The following DCAF8L2 variants were observed in gnomAD, a reference collection of about 807,000 sequenced individuals.
The protein encoded by DCAF8L2 is DDB1- and CUL4-associated factor 8-like protein 2.
For synonymous variants in DCAF8L2, 200 were observed against 190.9 expected (o/e 1.05, Z -0.39); for missense variants, 430 against 490.7 (o/e 0.88, Z 1.17).
At chrX:27,500,436 C>T in the DCAF8L2 span, among the ~76,000 whole-genome samples, 1 of 111,682 alleles carries the variant, frequency 9.0e-6, no homozygotes, top group South Asian at 3.7e-4. Flanking sequence ...ATTTTTTATA[C>T]ACTGTTGGAA....
the DCAF8L2 span, among the ~76,000 whole-genome samples, chrX:27,489,332 C>T: frequency 1.8e-5 from 2 of 111,654 alleles, no homozygotes; most frequent in Non-Finnish European, 1.9e-5. Context: ...CTCCTGACCT[C>T]GTGATCTGCC....
chrX:27,524,769 G>A, the DCAF8L2 span, among the ~76,000 whole-genome samples: 1 of 111,567 alleles, frequency 9.0e-6, no homozygotes, highest in Non-Finnish European at 1.9e-5. Context: ...CTTTATTTCT[G>A]CCTTCATTTC....
the DCAF8L2 span, among the ~76,000 whole-genome samples, chrX:27,501,227 G>GT: frequency 1.0e-5 from 1 of 99,234 alleles, no homozygotes; most frequent in Non-Finnish European, 2.0e-5. Flanking sequence ...ACAGCTCCTC[G>GT]TCCTACCTCC....
At chrX:27,614,559 A>G (rs1343080208) in intron 1 of DCAF8L2, among the ~76,000 whole-genome samples, 2 of 111,353 alleles carry the variant, frequency 1.8e-5, no homozygotes, top group Non-Finnish European at 3.8e-5. Context: ...TGTTGATTTT[A>G]GATCTTTCCT....
rs192095699 is a variant in DCAF8L2 at position 27,623,052 on chromosome X, G to A, written c.-341-8827G>A. Among the ~76,000 whole-genome samples the A allele has an allele frequency of 2.7e-5, 3 of 112,179 alleles. No individual in the cohort carries two copies. The Admixed American group carries it at 2.8e-4, about 11-fold the overall frequency. On this transcript the variant is annotated intron_variant, in intron 1 of 4. Transcript: ENST00000451261. ...TGCTTAGAACAAGGAAGTTATAAATGTATTTGCTGGTGACAAGAGATAGAC... is the reference window on the plus strand; with the variant it reads ...TGCTTAGAACAAGGAAGTTATAAATATATTTGCTGGTGACAAGAGATAGAC...
chrX:27,680,346 A>G (rs1232103721), intron 3 of DCAF8L2, among the ~76,000 whole-genome samples: 1 of 112,056 alleles, frequency 8.9e-6, no homozygotes, highest in Non-Finnish European at 1.9e-5. Context: ...TTCATAAAGC[A>G]TGTCAACCAC....
Position 27,749,638 on chromosome X carries a change from C to G in DCAF8L2, c.*847C>G. Among the ~76,000 whole-genome samples, 1 of 112,117 alleles carries G rather than the reference C, an allele frequency of 8.9e-6. No individual in the cohort carries two copies. The highest frequency in any genetic ancestry group is 9.5e-5 in the Admixed American group (1 of 10,577). On this transcript the variant is annotated 3_prime_UTR_variant, in exon 5 of 5. Coordinates refer to ENST00000451261, the MANE Select transcript of DCAF8L2 (RefSeq NM_001353450.2). The stretch of plus-strand genomic sequence containing the variant: ...TTGGGAACTCCCACAGGGTTACCTT[C>G]CAGGAAGTCCTCCTGGGACAAGCAT...
At chrX:27,643,112 A>C in intron 2 of DCAF8L2, among the ~76,000 whole-genome samples, 1 of 111,966 alleles carries the variant, frequency 8.9e-6, no homozygotes, top group Non-Finnish European at 1.9e-5. Context: ...AGATTGCTGG[A>C]TCATATGGTA....
At chrX:27,477,853 T>G in the DCAF8L2 span, among the ~76,000 whole-genome samples, 1 of 111,875 alleles carries the variant, frequency 8.9e-6, no homozygotes, top group Non-Finnish European at 1.9e-5. Flanking sequence ...AAAATTGTTC[T>G]TCATCTTAAA....
the DCAF8L2 span, among the ~76,000 whole-genome samples, chrX:27,577,084 C>A: frequency 8.9e-6 from 1 of 111,834 alleles, no homozygotes; most frequent in African/African-American, 3.2e-5. Context: ...ATGCAACTCC[C>A]AGGATATTTC....
chrX:27,532,618 C>T, the DCAF8L2 span, among the ~76,000 whole-genome samples: 38 of 110,643 alleles, frequency 3.4e-4, no homozygotes, highest in African/African-American at 1.2e-3. Context: ...AATGAAGGAG[C>T]CAGGTGCAGT....
intron 4 of DCAF8L2, among the ~76,000 whole-genome samples, chrX:27,716,645 CAG>C: frequency 8.9e-6 from 1 of 112,473 alleles, no homozygotes; most frequent in Middle Eastern, 4.6e-3. Context: ...ATTTTAAAAA[CAG>C]GGGAAACTGA....
In DCAF8L2 at chrX:27,748,705, C is replaced by G; in HGVS notation, c.1810C>G (p.Pro604Ala). Reference protein sequence around the residue: ...QDWRSGEAEFPDEESDESSST... With the variant: ...QDWRSGEAEFADEESDESSST... ...CTGGAGAAGTGGTGAAGCTGAATTTCCAGATGAAGAATCGGATGAGTCTTC... is the reference window on the plus strand; with the variant it reads ...CTGGAGAAGTGGTGAAGCTGAATTTGCAGATGAAGAATCGGATGAGTCTTC... The change falls in exon 5 of 5, where the codon CCA becomes GCA. Residue 604 changes from proline (P) to alanine (A), a missense_variant. Transcript: ENST00000451261. 8.4e-7 allele frequency: 1 copy of G among 1,197,364 alleles called. No homozygotes were observed. The highest frequency in any genetic ancestry group is 1.8e-5 in the South Asian group (1 of 55,040).
intron 1 of DCAF8L2, among the ~76,000 whole-genome samples, chrX:27,597,805 C>G (rs1323370330): frequency 8.9e-6 from 1 of 112,362 alleles, no homozygotes; most frequent in Non-Finnish European, 1.9e-5. Context: ...ATGACATTTA[C>G]AGCCACGCTA....
At chrX:27,740,356 G>A (rs781724991) in intron 4 of DCAF8L2, among the ~76,000 whole-genome samples, 4 of 111,815 alleles carry the variant, frequency 3.6e-5, no homozygotes, top group South Asian at 7.5e-4. Context: ...GGATTAGAGC[G>A]ACAGTTTAGT....
At chrX:27,585,210 C>T in the DCAF8L2 span, among the ~76,000 whole-genome samples, 7 of 111,023 alleles carry the variant, frequency 6.3e-5, no homozygotes, top group African/African-American at 2.3e-4. Context: ...CATAATAGCC[C>T]CCCATAATCT....
intron 2 of DCAF8L2, among the ~76,000 whole-genome samples, chrX:27,658,440 A>G (rs904118491): frequency 1.3e-4 from 15 of 112,178 alleles, no homozygotes; most frequent in African/African-American, 4.5e-4. Flanking sequence ...TTCAAAATGA[A>G]TGTCTATTTG....
At chrX:27,573,847 T>TTCTC in the DCAF8L2 span, among the ~76,000 whole-genome samples, 1 of 107,789 alleles carries the variant, frequency 9.3e-6, no homozygotes, top group Non-Finnish European at 1.9e-5. Context: ...ATGCACTTCT[T>TTCTC]TCTCTCTCTC....
intron 3 of DCAF8L2, among the ~76,000 whole-genome samples, chrX:27,711,903 A>T (rs1244891509): frequency 9.0e-6 from 1 of 110,782 alleles, no homozygotes; most frequent in African/African-American, 3.3e-5. Flanking sequence ...CAGGTTATTT[A>T]TTTCTTCTTG....
Sources: gnomAD v4.1 joint callset for allele counts (sites outside exome capture counted in the v4.1 genomes callset) on GRCh38, gnomAD v4.1.1 for gene constraint, MANE v1.5 for transcripts, NCBI Gene and HGNC (gene_info 2026-07-23, HGNC 2026-07-21) for gene names.